Variants in IL7 observed in about 807,000 individuals in gnomAD.
The protein encoded by IL7 is interleukin-7.
Under a neutral mutation model 21.6 loss-of-function variants are expected in IL7, and 3 were observed. The observed-to-expected ratio is 0.14, with a 90% CI of 0.06 to 0.36. The LOEUF (loss-of-function observed/expected upper bound fraction) is 0.36. Ranked by LOEUF, IL7 falls within the 10% of genes least tolerant of loss-of-function variation. IL7 has a pLI of 1.00. For synonymous variants in IL7, 62 were observed against 68.1 expected (o/e 0.91, Z 0.44); for missense variants, 175 against 200.2 (o/e 0.87, Z 0.76).
At chr8:78,689,534 A>G (rs1236771933) in intron 3 of IL7, among the ~76,000 whole-genome samples, 4 of 151,982 alleles carry the variant, frequency 2.6e-5, no homozygotes, top group African/African-American at 9.7e-5. Context: ...TTTAGCTCTT[A>G]TATCTGTAAA....
At chr8:78,740,145 AT>A in intron 2 of IL7, 63 bp from the exon 3 acceptor site, 1 of 924,770 alleles carries the variant, frequency 1.1e-6, no homozygotes, top group Non-Finnish European at 1.5e-6. Flanking sequence ...TCTTGTAATT[AT>A]AAAAAATAAT....
intron 2 of IL7, among the ~76,000 whole-genome samples, chr8:78,749,738 A>ATGAGAAAGTCCTCTTGTGG (rs1222739216): frequency 6.6e-6 from 1 of 152,182 alleles, no homozygotes; most frequent in Non-Finnish European, 1.5e-5. Flanking sequence ...TAAGTATCAG[A>ATGAGAAAGTCCTCTTGTGG]TGAGAAAGTC....
At chr8:78,763,377 G>C (rs1043668682) in intron 2 of IL7, among the ~76,000 whole-genome samples, 1 of 152,176 alleles carries the variant, frequency 6.6e-6, no homozygotes, top group Non-Finnish European at 1.5e-5. Context: ...GGAGAAATTA[G>C]TAATATTTTA....
At chr8:78,803,157 A>G (rs1385699096) in intron 1 of IL7, among the ~76,000 whole-genome samples, 2 of 152,068 alleles carry the variant, frequency 1.3e-5, no homozygotes, top group Non-Finnish European at 2.9e-5. Context: ...AGGGTTTCTA[A>G]TATTAGTTCT....
intron 3 of IL7, among the ~76,000 whole-genome samples, chr8:78,687,131 A>G (rs1490293606): frequency 1.3e-5 from 2 of 152,096 alleles, no homozygotes; most frequent in Non-Finnish European, 2.9e-5. Context: ...TGTTACTAAA[A>G]GCAAAGCAAG....
rs1461227083 is a variant in IL7, at chr8:78,732,862, T to A, written c.*851A>T. The A allele has an allele frequency of 6.6e-6, 1 of 152,032 alleles. No homozygotes were observed. Among genetic ancestry groups the A allele is most frequent in the Admixed American group, 6.6e-5 (1 of 15,238 alleles). 9.4% of individuals were successfully genotyped at this position (152,032 alleles called of 1,614,324 possible). On this transcript the variant is annotated 3_prime_UTR_variant, in exon 6 of 6. Coordinates refer to ENST00000263851, the MANE Select transcript of IL7 (RefSeq NM_000880.4). ...TGTATGAAAATATTTTATATACAGA[T>A]ATAGTGTCAAAATTAAATACAGATA...
intron 2 of IL7, among the ~76,000 whole-genome samples, chr8:78,750,172 A>C (rs755712361): frequency 8.5e-5 from 13 of 152,106 alleles, no homozygotes; most frequent in Non-Finnish European, 1.8e-4. Flanking sequence ...AAAAATACCC[A>C]GCTCAAGGGT....
At chr8:78,698,014 G>T (rs1412480409) in intron 3 of IL7, among the ~76,000 whole-genome samples, 2 of 151,924 alleles carry the variant, frequency 1.3e-5, no homozygotes, top group African/African-American at 4.8e-5. Flanking sequence ...TTAAATGTTG[G>T]CCCCAGATGT....
intron 6 of IL7, chr8:78,718,432 C>T (rs1020165479): frequency 1.3e-5 from 2 of 151,862 alleles, no homozygotes; most frequent in African/African-American, 2.4e-5. Flanking sequence ...TCTTAAATCA[C>T]GTCACCTAAT....
At chr8:78,685,120 G>A (rs893485308) in intron 4 of IL7, among the ~76,000 whole-genome samples, 2 of 152,114 alleles carry the variant, frequency 1.3e-5, no homozygotes, top group Non-Finnish European at 2.9e-5. Context: ...AGTCAGAACC[G>A]TGGAATGGAA....
chr8:78,698,993 T>C (rs1418260888), intron 3 of IL7, among the ~76,000 whole-genome samples: 2 of 152,190 alleles, frequency 1.3e-5, no homozygotes, highest in East Asian at 3.9e-4. Context: ...ACTGGACTCT[T>C]TTCACGTTTT....
intron 2 of IL7, among the ~76,000 whole-genome samples, chr8:78,792,570 A>C (rs573720867): frequency 6.6e-6 from 1 of 152,242 alleles, no homozygotes; most frequent in South Asian, 2.1e-4. Flanking sequence ...CAACTATAAA[A>C]ATGAAAAGAC....
At chr8:78,705,183 G>A (rs377437447) in intron 3 of IL7, among the ~76,000 whole-genome samples, 2 of 152,324 alleles carry the variant, frequency 1.3e-5, no homozygotes, top group South Asian at 2.1e-4. Context: ...GTCACTTGGA[G>A]GAAAAGAGGG....
downstream of IL7, chr8:78,715,237 C>T (rs923645398): frequency 5.6e-6 from 9 of 1,613,604 alleles, 1 homozygote; most frequent in Middle Eastern, 3.3e-4. Context: ...TGTCAAACCC[C>T]GAAATTCCAC....
intron 3 of IL7, chr8:78,686,641 G>A: frequency 7.0e-7 from 1 of 1,431,698 alleles, no homozygotes; most frequent in Non-Finnish European, 9.2e-7. Context: ...AAATGTTCAT[G>A]TGGAAAGAAA....
intron 3 of IL7, among the ~76,000 whole-genome samples, chr8:78,692,620 A>G (rs1256156529): frequency 1.3e-5 from 2 of 152,120 alleles, no homozygotes; most frequent in Non-Finnish European, 2.9e-5. Context: ...TCCAGGGTGT[A>G]CAGTGTAGGT....
intron 2 of IL7, among the ~76,000 whole-genome samples, chr8:78,757,763 C>T (rs575349370): frequency 2.6e-5 from 4 of 151,988 alleles, no homozygotes; most frequent in Non-Finnish European, 5.9e-5. Flanking sequence ...ACTTCACTTT[C>T]AGTCTATTTG....
Position 78,733,492 on chromosome 8 carries a change from C to T in IL7, c.*221G>A, listed in dbSNP as rs986040095. The T allele has an allele frequency of 2.8e-5, 12 of 425,380 alleles. No individual in the cohort carries two copies. The Admixed American group carries it at 4.5e-4, about 16-fold the overall frequency. 26.4% of individuals were successfully genotyped at this position (425,380 alleles called of 1,614,324 possible). On this transcript the variant is annotated 3_prime_UTR_variant, in exon 6 of 6. Coordinates refer to ENST00000263851, the MANE Select transcript of IL7 (RefSeq NM_000880.4). ...AATTATACTGATTGATAAATGTTCA[C>T]ATATATAAGAAATAGTTTGTTGACT...
intron 3 of IL7, among the ~76,000 whole-genome samples, chr8:78,692,533 T>A (rs960638691): frequency 6.6e-6 from 1 of 152,178 alleles, no homozygotes; most frequent in Non-Finnish European, 1.5e-5. Flanking sequence ...TCTGTTTTGT[T>A]CTTTTGCAAA....
Sources: gnomAD v4.1 joint callset for allele counts (sites outside exome capture counted in the v4.1 genomes callset) on GRCh38, gnomAD v4.1.1 for gene constraint, MANE v1.5 for transcripts, NCBI Gene and HGNC (gene_info 2026-07-23, HGNC 2026-07-21) for gene names.